ERH: variants seen among roughly 807,000 people sequenced by gnomAD.
ERH encodes the protein enhancer of rudimentary homolog.
Under a neutral mutation model 16.8 loss-of-function variants are expected in ERH, and 1 was observed. That is an observed-to-expected ratio of 0.06 (90% CI 0.02 to 0.28). The LOEUF (loss-of-function observed/expected upper bound fraction) is 0.28, where lower values mean the gene tolerates loss of function less well. Among genes scored for constraint, ERH ranks in the 10% least tolerant of loss-of-function variants. The probability of loss-of-function intolerance (pLI) is 1.00; values close to 1 mark genes in which losing one functional copy is unlikely to be tolerated. For synonymous variants in ERH, 43 were observed against 43.6 expected (o/e 0.99, Z 0.05); for missense variants, 42 against 127.5 (o/e 0.33, Z 3.23).
chr14:69,387,663 G>T (rs1418384126), intron 2 of ERH, among the ~76,000 whole-genome samples: 7 of 133,698 alleles, frequency 5.2e-5, no homozygotes, highest in African/African-American at 2.1e-4. Flanking sequence ...GTCTTAACAG[G>T]TTTTTCAGTA....
chr14:69,388,172 G>A (rs570352939), intron 2 of ERH, among the ~76,000 whole-genome samples: 1 of 152,258 alleles, frequency 6.6e-6, no homozygotes, highest in Non-Finnish European at 1.5e-5. Context: ...AGAGTTAAGA[G>A]TGCCTCTTCA....
chr14:69,383,940 G>A (rs917974901), intron 3 of ERH, among the ~76,000 whole-genome samples: 7 of 152,128 alleles, frequency 4.6e-5, no homozygotes, highest in Non-Finnish European at 2.9e-5. Flanking sequence ...TTGAGCCCAG[G>A]AGTTTGAGAC....
intron 2 of ERH, among the ~76,000 whole-genome samples, chr14:69,393,931 G>C (rs1372358262): frequency 1.3e-5 from 2 of 151,878 alleles, no homozygotes; most frequent in African/African-American, 2.4e-5. Context: ...TGAGGCAGGA[G>C]GACTGCTTGA....
intron 1 of ERH, among the ~76,000 whole-genome samples, chr14:69,395,657 A>G (rs1000869108): frequency 1.3e-5 from 2 of 152,232 alleles, no homozygotes; most frequent in African/African-American, 4.8e-5. Flanking sequence ...TTCCAACCTC[A>G]GCGTAAGAGC....
At chr14:69,388,550 C>T (rs993480489) in intron 2 of ERH, among the ~76,000 whole-genome samples, 11 of 151,994 alleles carry the variant, frequency 7.2e-5, no homozygotes, top group South Asian at 2.1e-4. Flanking sequence ...TTAGTAGAGA[C>T]GGGGTTTTAC....
chr14:69,385,156 T>C (rs1018908718), intron 3 of ERH, among the ~76,000 whole-genome samples: 1 of 152,128 alleles, frequency 6.6e-6, no homozygotes, highest in African/African-American at 2.4e-5. Context: ...GCCCTCAACC[T>C]TTAGCAAAAT....
Position 69,398,245 on chromosome 14 carries a change from C to G in ERH, c.-12G>C, listed in dbSNP as rs1401081035. The G allele has an allele frequency of 4.3e-6, 7 of 1,614,020 alleles. No homozygotes were observed. In the Admixed American group the frequency reaches 5.0e-5, roughly 12 times the overall value. On this transcript the variant is annotated 5_prime_UTR_variant, in exon 1 of 4. Coordinates refer to ENST00000557016, the MANE Select transcript of ERH (RefSeq NM_004450.3). ...GCCTTTCTCACCATCGCGCCAAACT[C>G]TCTTCGCTACAGCAGCTGCCGACAC...
intron 3 of ERH, among the ~76,000 whole-genome samples, chr14:69,384,162 C>T (rs968837590): frequency 2.6e-5 from 4 of 152,220 alleles, no homozygotes; most frequent in South Asian, 2.1e-4. Flanking sequence ...TTATCTCACA[C>T]GTAGACATTA....
intron 2 of ERH, among the ~76,000 whole-genome samples, chr14:69,394,175 G>A (rs1281033336): frequency 6.6e-6 from 1 of 151,864 alleles, no homozygotes; most frequent in Non-Finnish European, 1.5e-5. Flanking sequence ...ATATATAAGG[G>A]ATACCTGTAA....
At position 69,387,129 on chromosome 14, in the gene ERH, C is replaced by T. The variant is rs746510288; in HGVS notation, c.92-46G>A. 25 of 1,563,762 alleles carry T rather than the reference C, an allele frequency of 1.6e-5. No individual in the cohort carries two copies. In the Admixed American group the frequency reaches 3.5e-4, roughly 22 times the overall value. On this transcript the variant is annotated intron_variant, in intron 2 of 3. Coordinates refer to ENST00000557016, the MANE Select transcript of ERH (RefSeq NM_004450.3). ...AAGCAAAATCTTACAATCGCATACA[C>T]TTCTAGATATGAGCAGTGCTTATGA...
chr14:69,382,907 T>C lies in ERH; in HGVS notation c.213-2267A>G, dbSNP rs547592461. Among the ~76,000 whole-genome samples, 3 of 152,286 alleles carry C rather than the reference T, an allele frequency of 2.0e-5. No individual in the cohort carries two copies. The East Asian group carries it at 5.8e-4, about 29-fold the overall frequency. ...ATGTTAAATACTTTAATAAAATGCC[T>C]AGTCATTGGCACAGATGAATCTTTT... is the stretch of plus-strand genomic sequence containing the variant. On this transcript the variant is annotated intron_variant, in intron 3 of 3. Transcript: ENST00000557016.
At chr14:69,389,218 G>A (rs1402586182) in intron 2 of ERH, among the ~76,000 whole-genome samples, 1 of 152,076 alleles carries the variant, frequency 6.6e-6, no homozygotes, top group Non-Finnish European at 1.5e-5. Context: ...GTAGAGACGG[G>A]GTTTTGCGAT....
intron 3 of ERH, 108 bp from the exon 4 acceptor site, chr14:69,380,748 A>G: frequency 1.6e-6 from 1 of 618,702 alleles, no homozygotes. Flanking sequence ...CACATTTCCA[A>G]AAATGAACTT....
chr14:69,381,788 A>C (rs902984515), intron 3 of ERH, among the ~76,000 whole-genome samples: 10 of 152,188 alleles, frequency 6.6e-5, no homozygotes, highest in African/African-American at 2.4e-4. Flanking sequence ...ACCTGGGTTC[A>C]CATGATTCTC....
chr14:69,385,218 G>C (rs2045883950), intron 3 of ERH, among the ~76,000 whole-genome samples: 1 of 151,926 alleles, frequency 6.6e-6, no homozygotes, highest in Admixed American at 6.6e-5. Context: ...AGAGAGACTA[G>C]GAAAAAAATC....
chr14:69,398,198 T>A, intron 1 of ERH, 33 bp downstream of exon 1: 1 of 1,613,788 alleles, frequency 6.2e-7, no homozygotes, highest in Non-Finnish European at 8.5e-7. Context: ...GGCCGGGGAC[T>A]CGGACTCGGG....
intron 2 of ERH, among the ~76,000 whole-genome samples, chr14:69,387,695 C>A (rs868476289): frequency 8.4e-4 from 95 of 113,290 alleles, no homozygotes; most frequent in South Asian, 1.7e-3. Flanking sequence ...AGCCACAGAG[C>A]AAAAAAAAAA....
intron 3 of ERH, among the ~76,000 whole-genome samples, chr14:69,381,254 A>G (rs989064850): frequency 3.3e-5 from 5 of 152,212 alleles, no homozygotes; most frequent in African/African-American, 9.6e-5. Flanking sequence ...CCTGTGAGTG[A>G]GACTCCATCT....
At chr14:69,396,846 T>C (rs1289887982) in intron 1 of ERH, among the ~76,000 whole-genome samples, 1 of 152,204 alleles carries the variant, frequency 6.6e-6, no homozygotes, top group Non-Finnish European at 1.5e-5. Context: ...GAAAGCATCA[T>C]ATTAGATTAT....
Sources: allele counts gnomAD v4.1 joint callset (sites outside exome capture counted in the v4.1 genomes callset), GRCh38; gene constraint gnomAD v4.1.1; transcripts MANE v1.5; gene names NCBI Gene and HGNC (gene_info 2026-07-23, HGNC 2026-07-21).